Variants in R3HDM1 observed in about 807,000 individuals in gnomAD.
R3HDM1 encodes R3H domain-containing protein 1.
A neutral mutation model predicts 141.1 loss-of-function variants in R3HDM1; 46 were observed. The ratio of observed to expected loss-of-function variants is 0.33; its 90% CI spans 0.26 to 0.42. The LOEUF is 0.42. Among genes scored for constraint, R3HDM1 ranks in the 10% least tolerant of loss-of-function variants. R3HDM1 has a pLI of 1.00. For missense variants in R3HDM1, 1,184 were observed against 1,368.3 expected (o/e 0.87, Z 2.12); for synonymous variants, 435 against 472.9 (o/e 0.92, Z 1.04).
At chr2:135,651,682 G>T in intron 17 of R3HDM1, 48 bp from the exon 18 acceptor site, 1 of 1,523,288 alleles carries the variant, frequency 6.6e-7, no homozygotes, top group South Asian at 1.4e-5. Flanking sequence ...TGATAAGTTT[G>T]GCCTATGTGT....
chr2:135,635,809 A>G, intron 9 of R3HDM1, 81 bp from the exon 10 acceptor site: 2 of 1,480,230 alleles, frequency 1.4e-6, no homozygotes, highest in Middle Eastern at 2.5e-4. Flanking sequence ...ATTTCTTTTC[A>G]TAAAATGTTA....
chr2:135,709,420 G>GT lies in R3HDM1; in HGVS notation c.2460-7dup, dbSNP rs766847459. The GT allele has an allele frequency of 6.2e-6, 10 of 1,610,798 alleles. No homozygotes were observed. In the South Asian group the frequency reaches 1.1e-4, roughly 18 times the overall value. On this transcript the variant is annotated splice_polypyrimidine_tract_variant and intron_variant, in intron 21 of 26. Coordinates refer to ENST00000683871, the MANE Select transcript of R3HDM1 (RefSeq NM_001378107.1). The stretch of plus-strand genomic sequence containing the variant: ...CCTCCTCTCATTATGCTGTTTTTTT[G>GT]TTTTTTCCATAGCTCTTCAGTAGGT...
chr2:135,644,911 A>G (rs568337621), intron 15 of R3HDM1, among the ~76,000 whole-genome samples: 1 of 152,060 alleles, frequency 6.6e-6, no homozygotes, highest in Non-Finnish European at 1.5e-5. Flanking sequence ...GGGAAACCCC[A>G]TCTCTACGAA....
intron 24 of R3HDM1, 144 bp from the exon 25 acceptor site, chr2:135,721,780 G>T (rs2076719979): frequency 1.9e-6 from 1 of 535,398 alleles, no homozygotes; most frequent in Admixed American, 2.9e-5. Context: ...TAGAGATGGG[G>T]TTTCACCATG....
At chr2:135,564,079 C>T (rs1240230224) in intron 1 of R3HDM1, among the ~76,000 whole-genome samples, 1 of 152,118 alleles carries the variant, frequency 6.6e-6, no homozygotes, top group African/African-American at 2.4e-5. Flanking sequence ...GAGGGATCTG[C>T]CCCCATGACC....
chr2:135,576,389 T>C (rs1335146072), intron 1 of R3HDM1, among the ~76,000 whole-genome samples: 1 of 151,224 alleles, frequency 6.6e-6, no homozygotes, highest in Non-Finnish European at 1.5e-5. Context: ...TAAAAAAAAG[T>C]GTTAAATCAC....
At chr2:135,643,513 A>G (rs1247665862) in intron 15 of R3HDM1, among the ~76,000 whole-genome samples, 1 of 151,544 alleles carries the variant, frequency 6.6e-6, no homozygotes, top group Admixed American at 6.6e-5. Flanking sequence ...CTGTTTGTGT[A>G]TTTTTCTCAC....
At chr2:135,651,464 A>C (rs756023617) in intron 17 of R3HDM1, 14 of 972,458 alleles carry the variant, frequency 1.4e-5, no homozygotes, top group Non-Finnish European at 1.7e-5. Context: ...TTCATTTTTT[A>C]ATGTGAAATG....
At chr2:135,554,619 C>G (rs1469306080) in intron 1 of R3HDM1, among the ~76,000 whole-genome samples, 1 of 152,174 alleles carries the variant, frequency 6.6e-6, no homozygotes, top group Non-Finnish European at 1.5e-5. Context: ...ATTTTGCATT[C>G]TCATCAAGCT....
At chr2:135,598,338 A>G (rs1005738051) in intron 1 of R3HDM1, among the ~76,000 whole-genome samples, 2 of 152,210 alleles carry the variant, frequency 1.3e-5, no homozygotes, top group African/African-American at 2.4e-5. Flanking sequence ...CCATTAATAC[A>G]AAGTTAATAG....
chr2:135,688,757 G>A (rs999031630), intron 21 of R3HDM1, among the ~76,000 whole-genome samples: 1 of 152,100 alleles, frequency 6.6e-6, no homozygotes, highest in Non-Finnish European at 1.5e-5. Flanking sequence ...CCAACATGGT[G>A]AAACACCATC....
At position 135,721,259 on chromosome 2, in the gene R3HDM1, C is replaced by G. The variant is rs1156567535; in HGVS notation, c.2882-665C>G. 1.3e-5 allele frequency among the ~76,000 whole-genome samples: 2 copies of G among 152,166 alleles called. 1 individual carries two copies. ...AGCAACTCATGAGGTGGAAGGATTG[C>G]TGGAGGCCAGGAGTTTGAGACCAGC... On this transcript the variant is annotated intron_variant, in intron 24 of 26. Coordinates refer to ENST00000683871, the MANE Select transcript of R3HDM1 (RefSeq NM_001378107.1).
At chr2:135,689,190 G>A (rs1295531446) in intron 21 of R3HDM1, among the ~76,000 whole-genome samples, 2 of 152,134 alleles carry the variant, frequency 1.3e-5, no homozygotes, top group Non-Finnish European at 2.9e-5. Flanking sequence ...CAGCCCTTTA[G>A]TCTGGTTTTT....
Position 135,635,995 on chromosome 2 carries a change from C to T in R3HDM1, c.804C>T (p.Asn268=), listed in dbSNP as rs747436636. 2.5e-6 allele frequency: 4 copies of T among 1,610,092 alleles called. No homozygotes were observed. Among genetic ancestry groups the T allele is most frequent in the Non-Finnish European group, 1.7e-6 (2 of 1,178,700 alleles). Residue 268 remains asparagine, a synonymous_variant, in exon 10 of 27, where the codon AAC becomes AAT. Transcript: ENST00000683871. ...RDNSSFDKDD[N]QMRIRLKDDR... Reference sequence around the variant, plus strand: ...ACTCTAGCTTTGACAAAGATGATAACCAGGTAATCTAGAACAATTGTAGGA... The same window carrying T: ...ACTCTAGCTTTGACAAAGATGATAATCAGGTAATCTAGAACAATTGTAGGA...
chr2:135,575,308 A>G (rs1431028398), intron 1 of R3HDM1, among the ~76,000 whole-genome samples: 1 of 152,178 alleles, frequency 6.6e-6, no homozygotes, highest in East Asian at 1.9e-4. Flanking sequence ...TCAGCCTCCA[A>G]AATAGCTGGG....
chr2:135,605,455 C>T (rs1040312216), intron 3 of R3HDM1: 4 of 155,132 alleles, frequency 2.6e-5, no homozygotes, highest in Admixed American at 6.4e-5. Context: ...TTTGTGGGCC[C>T]GGGGGAAGTT....
At chr2:135,568,235 A>G (rs981253282) in intron 1 of R3HDM1, among the ~76,000 whole-genome samples, 5 of 151,770 alleles carry the variant, frequency 3.3e-5, no homozygotes, top group African/African-American at 1.2e-4. Context: ...TTTTGTAGAT[A>G]TGGAATTTCA....
At chr2:135,581,282 G>A in intron 1 of R3HDM1, 1 of 985,404 alleles carries the variant, frequency 1.0e-6, no homozygotes. Flanking sequence ...CTGTTTCCCT[G>A]TAGATCCACA....
chr2:135,719,571 C>T (rs1004114436), intron 24 of R3HDM1, among the ~76,000 whole-genome samples: 1 of 152,034 alleles, frequency 6.6e-6, no homozygotes, highest in Non-Finnish European at 1.5e-5. Flanking sequence ...GCTTTAAATA[C>T]TTCAGGAAAA....
Sources: allele counts gnomAD v4.1 joint callset (sites outside exome capture counted in the v4.1 genomes callset), GRCh38; gene constraint gnomAD v4.1.1; transcripts MANE v1.5; gene names NCBI Gene and HGNC (gene_info 2026-07-23, HGNC 2026-07-21).